The following APLF variants were observed in gnomAD, a reference collection of about 807,000 sequenced individuals.
APLF encodes aprataxin and PNK-like factor.
A neutral mutation model predicts 55.6 loss-of-function variants in APLF; 61 were observed. The observed-to-expected ratio is 1.10, with a 90% CI of 0.89 to 1.36. The LOEUF is 1.36. Among genes scored for constraint, APLF ranks in the 40% most tolerant of loss-of-function variants. The pLI is 0.00. For synonymous variants in APLF, 207 were observed against 214.8 expected, an observed-to-expected ratio of 0.96 and a Z score of 0.32; for missense variants, 611 against 602.5, an observed-to-expected ratio of 1.01 and a Z score of -0.15.
At chr2:68,509,706 T>G (rs1676986055) in intron 3 of APLF, among the ~76,000 whole-genome samples, 1 of 152,090 alleles carries the variant, frequency 6.6e-6, no homozygotes, top group South Asian at 2.1e-4. Context: ...GACCCAGCCA[T>G]CCCATTACTG....
chr2:68,503,504 C>G (rs774772474), intron 3 of APLF, among the ~76,000 whole-genome samples: 1 of 151,946 alleles, frequency 6.6e-6, no homozygotes, highest in Non-Finnish European at 1.5e-5. Context: ...CAGAATTATG[C>G]GGAGTATGTT....
Position 68,579,579 on chromosome 2 carries a change from C to T in APLF, c.*1557C>T, listed in dbSNP as rs879111569. ...CAACTGGGTGAATGGATAAGCAAAA[C>T]GTGGTATATCTGTGCAATGGAATAT... On this transcript the variant is annotated 3_prime_UTR_variant, in exon 10 of 10. Coordinates refer to ENST00000303795, the MANE Select transcript of APLF (RefSeq NM_173545.3). 9 of 181,408 alleles carry T rather than the reference C, an allele frequency of 5.0e-5. No homozygotes were observed. The South Asian group carries it at 1.3e-3, about 26-fold the overall frequency. The allele number at this position is 181,408 out of a possible 1,614,324, so 11.2% of individuals were successfully genotyped here.
At chr2:68,494,860 T>TC (rs1175254262) in intron 2 of APLF, among the ~76,000 whole-genome samples, 1 of 152,178 alleles carries the variant, frequency 6.6e-6, no homozygotes, top group Non-Finnish European at 1.5e-5. Context: ...TGCAGAGTAT[T>TC]CCATGGTATA....
At position 68,489,765 on chromosome 2, in the gene APLF, A is replaced by C. The variant is rs1026492919; in HGVS notation, c.97-425A>C. ...CCCTTTTACACTTACCAGATCCTCG[A>C]GCATGGGATCTCTTCCTTTTAAAAC... On this transcript the variant is annotated intron_variant, in intron 1 of 9. Transcript: ENST00000303795. 1.3e-4 allele frequency among the ~76,000 whole-genome samples: 20 copies of C among 152,170 alleles called. No homozygotes were observed. The East Asian group carries it at 3.8e-3, about 29-fold the overall frequency.
Position 68,467,705 on chromosome 2 carries a change from G to T in APLF, c.-27G>T. 8.1e-7 allele frequency: 1 copy of T among 1,234,158 alleles called. No individual in the cohort carries two copies. Among genetic ancestry groups the T allele is most frequent in the African/African-American group, 1.5e-5 (1 of 64,590 alleles). The allele number at this position is 1,234,158 out of a possible 1,614,324, so 76.5% of individuals were successfully genotyped here. On this transcript the variant is annotated 5_prime_UTR_variant, in exon 1 of 10. Coordinates refer to ENST00000303795, the MANE Select transcript of APLF (RefSeq NM_173545.3). Reference sequence around the variant, plus strand: ...GAAACAGCGGAGGGGCCAGTCTCCTGGCGAAGGGGCCTAATCCTTGCCCGC... The same window carrying T: ...GAAACAGCGGAGGGGCCAGTCTCCTTGCGAAGGGGCCTAATCCTTGCCCGC...
rs528267245 is a variant in APLF, at chr2:68,514,222, CTT to C, written c.622+544_622+545del. Among the ~76,000 whole-genome samples the C allele has an allele frequency of 2.1e-3, 324 of 151,802 alleles. 1 individual carries two copies. Among genetic ancestry groups the C allele is most frequent in the African/African-American group, 7.3e-3 (303 of 41,478 alleles). Reference sequence around the variant, plus strand: ...TCATTTGGTGTATTTTTCTATAAGTCTTTGATCATATTTATAATAGCTGCGTT... The same window carrying C: ...TCATTTGGTGTATTTTTCTATAAGTCTGATCATATTTATAATAGCTGCGTT... On this transcript the variant is annotated intron_variant, in intron 5 of 9. Transcript: ENST00000303795.
intron 6 of APLF, among the ~76,000 whole-genome samples, chr2:68,532,842 T>G (rs1432674680): frequency 2.0e-5 from 3 of 152,196 alleles, no homozygotes; most frequent in Non-Finnish European, 4.4e-5. Flanking sequence ...AACTTAATCC[T>G]CAGAGCAACA....
intron 1 of APLF, among the ~76,000 whole-genome samples, chr2:68,485,802 A>G (rs1484968125): frequency 4.2e-5 from 6 of 143,570 alleles, no homozygotes; most frequent in African/African-American, 1.0e-4. Context: ...AATCTTTTTT[A>G]TTATCTCTTT....
Position 68,578,209 on chromosome 2 carries a change from G to GT in APLF, c.*189dup. Reference sequence around the variant, plus strand: ...TTCAGTATAATAGATGGAATTTTTTGTTGCCTTGCCTTTTCTTTCCTACTT... The same window carrying GT: ...TTCAGTATAATAGATGGAATTTTTTGTTTGCCTTGCCTTTTCTTTCCTACTT... On this transcript the variant is annotated 3_prime_UTR_variant, in exon 10 of 10. Coordinates refer to ENST00000303795, the MANE Select transcript of APLF (RefSeq NM_173545.3). 1 of 1,338,544 alleles carries GT rather than the reference G, an allele frequency of 7.5e-7. No individual in the cohort carries two copies. Among genetic ancestry groups the GT allele is most frequent in the Non-Finnish European group, 9.6e-7 (1 of 1,044,836 alleles). 82.9% of individuals were successfully genotyped at this position (1,338,544 alleles called of 1,614,324 possible). A position where few individuals can be genotyped will look rare whatever the true frequency, so the allele number is the denominator to read the frequency against.
chr2:68,545,203 T>A lies in APLF; in HGVS notation c.1177T>A (p.Phe393Ile), dbSNP rs1670669962. Residue 393 changes from phenylalanine (F) to isoleucine (I), a missense_variant, in exon 8 of 10, where the codon TTT becomes ATT. Phe to Ile is a conservative substitution (Grantham distance 21). Transcript: ENST00000303795. ...ANCYRKNPVH[F>I]QHFSHPGDSD... The stretch of plus-strand genomic sequence containing the variant: ...CCCTCCTAGGAAGAATCCTGTTCAT[T>A]TTCAACATTTTAGCCATCCTGGTGA... 1 of 1,613,566 alleles carries A rather than the reference T, an allele frequency of 6.2e-7. No individual in the cohort carries two copies. Among genetic ancestry groups the A allele is most frequent in the Non-Finnish European group, 8.5e-7 (1 of 1,179,726 alleles).
chr2:68,525,714 C>T (rs1189998299), intron 5 of APLF, among the ~76,000 whole-genome samples: 2 of 143,738 alleles, frequency 1.4e-5, no homozygotes, highest in African/African-American at 2.8e-5. Context: ...TCTTACTTGC[C>T]CTTTTATCCT....
chr2:68,519,603 A>G (rs533209018), intron 5 of APLF, among the ~76,000 whole-genome samples: 34 of 150,076 alleles, frequency 2.3e-4, no homozygotes, highest in African/African-American at 8.0e-4. Flanking sequence ...TCCTTCCTGC[A>G]AATTGAGGAT....
chr2:68,573,641 C>G (rs1335176703), intron 9 of APLF, among the ~76,000 whole-genome samples: 1 of 149,238 alleles, frequency 6.7e-6, no homozygotes, highest in Admixed American at 6.7e-5. Context: ...CCATTGCACT[C>G]CAGCCTGGGC....
intron 3 of APLF, among the ~76,000 whole-genome samples, chr2:68,503,200 C>T (rs182624990): frequency 6.6e-6 from 1 of 152,276 alleles, no homozygotes; most frequent in East Asian, 1.9e-4. Context: ...TTCCATCTAA[C>T]AGTATTCAAT....
intron 5 of APLF, among the ~76,000 whole-genome samples, chr2:68,523,782 T>C (rs1011711893): frequency 2.0e-5 from 3 of 152,020 alleles, no homozygotes; most frequent in African/African-American, 7.2e-5. Flanking sequence ...AAACCTATTT[T>C]GGATTTCAGA....
At chr2:68,553,134 T>C (rs1670910680) in intron 8 of APLF, among the ~76,000 whole-genome samples, 1 of 152,072 alleles carries the variant, frequency 6.6e-6, no homozygotes, top group African/African-American at 2.4e-5. Flanking sequence ...TCCACGACTG[T>C]TAGTCTTGGC....
intron 8 of APLF, among the ~76,000 whole-genome samples, chr2:68,553,399 GTTATA>G (rs769102301): frequency 3.9e-5 from 6 of 152,010 alleles, no homozygotes; most frequent in East Asian, 3.9e-4. Flanking sequence ...GTTCAGTTTA[GTTATA>G]TTATAATCAG....
chr2:68,502,263 G>A (rs1676744936), intron 2 of APLF, among the ~76,000 whole-genome samples: 1 of 152,078 alleles, frequency 6.6e-6, no homozygotes, highest in Non-Finnish European at 1.5e-5. Context: ...TAGCATTGTA[G>A]TTTCTTATTT....
rs116068320 is a variant in APLF at position 68,494,649 on chromosome 2, C to T, written c.168+4388C>T. The stretch of plus-strand genomic sequence containing the variant: ...GCTATTCTTCCTGATGTTCTCCCTC[C>T]TCCCACCCTCCACTCTTTAGTAGGC... On this transcript the variant is annotated intron_variant, in intron 2 of 9. Coordinates refer to ENST00000303795, the MANE Select transcript of APLF (RefSeq NM_173545.3). Among the ~76,000 whole-genome samples the T allele has an allele frequency of 5.7e-3, 864 of 152,212 alleles. 5 individuals are homozygous for T. The highest frequency in any genetic ancestry group is 0.02 in the African/African-American group (822 of 41,526).
Sources: gnomAD v4.1 joint callset for allele counts (sites outside exome capture counted in the v4.1 genomes callset) on GRCh38, gnomAD v4.1.1 for gene constraint, MANE v1.5 for transcripts, NCBI Gene and HGNC (gene_info 2026-07-23, HGNC 2026-07-21) for gene names.